The following ST7L variants were observed in gnomAD, a reference collection of about 807,000 sequenced individuals.
ST7L encodes the protein suppressor of tumorigenicity 7 protein-like.
ST7L carries 57 observed loss-of-function variants against 72.5 expected under a neutral mutation model. That is an observed-to-expected ratio of 0.79 (90% CI 0.64 to 0.98). The LOEUF is 0.98. Ranked by LOEUF, ST7L falls within the 50% of genes least tolerant of loss-of-function variation. ST7L has a pLI of 0.00. For synonymous variants in ST7L, 221 were observed against 240.9 expected, an observed-to-expected ratio of 0.92 and a Z score of 0.77; for missense variants, 576 against 672.2, an observed-to-expected ratio of 0.86 and a Z score of 1.58.
chr1:112,526,117 A>G lies in ST7L; in HGVS notation c.1630-6T>C, dbSNP rs544303721. ...GGGCACCAGAGTCCCAGCACCTTCA[A>G]AACAGAAATTGATACAAAATGTTCA... On this transcript the variant is annotated splice_region_variant and splice_polypyrimidine_tract_variant and intron_variant, in intron 14 of 14. Coordinates refer to ENST00000358039, the MANE Select transcript of ST7L (RefSeq NM_017744.5). 3.7e-6 allele frequency: 6 copies of G among 1,614,102 alleles called. No homozygotes were observed.
rs772472775 is a variant in ST7L at position 112,582,480 on chromosome 1, G to A, written c.857-8C>T. The A allele has an allele frequency of 1.5e-5, 23 of 1,523,482 alleles. No homozygotes were observed. Among genetic ancestry groups the A allele is most frequent in the Middle Eastern group, 1.7e-4 (1 of 5,780 alleles). 94.4% of individuals were successfully genotyped at this position (1,523,482 alleles called of 1,614,324 possible). The stretch of plus-strand genomic sequence containing the variant: ...GTACATTGGTATCTCTCCCTATTTA[G>A]AAAAACAAAAAAATGATACAACTAT... On this transcript the variant is annotated splice_region_variant and splice_polypyrimidine_tract_variant and intron_variant, in intron 7 of 14. Coordinates refer to ENST00000358039, the MANE Select transcript of ST7L (RefSeq NM_017744.5).
chr1:112,578,309 G>A lies in ST7L; in HGVS notation c.1142+36C>T, dbSNP rs184382025. The A allele has an allele frequency of 2.6e-6, 4 of 1,568,594 alleles. No individual in the cohort carries two copies. The East Asian group carries it at 9.0e-5, about 35-fold the overall frequency. On this transcript the variant is annotated intron_variant, in intron 10 of 14. Coordinates refer to ENST00000358039, the MANE Select transcript of ST7L (RefSeq NM_017744.5). ...GACAAGCATAATACTGAGTTTAGCAGTCTTTCCAAATCATTGTAGTTTTTA... is the reference window on the plus strand; with the variant it reads ...GACAAGCATAATACTGAGTTTAGCAATCTTTCCAAATCATTGTAGTTTTTA...
chr1:112,577,537 A>AAC (rs1187260193), intron 10 of ST7L, among the ~76,000 whole-genome samples: 2 of 150,392 alleles, frequency 1.3e-5, no homozygotes, highest in African/African-American at 4.9e-5. Context: ...TCTCAAAAAA[A>AAC]AAAAAAAAAA....
At chr1:112,571,515 C>T (rs1398672424) in intron 11 of ST7L, among the ~76,000 whole-genome samples, 2 of 152,136 alleles carry the variant, frequency 1.3e-5, no homozygotes, top group Non-Finnish European at 2.9e-5. Context: ...CAACCTCCAC[C>T]TCCCAGGTTC....
chr1:112,580,860 G>A (rs371364513), intron 9 of ST7L, among the ~76,000 whole-genome samples: 206 of 152,310 alleles, frequency 1.4e-3, no homozygotes, highest in African/African-American at 4.7e-3. Context: ...CCTGGGAAGC[G>A]GAGCTTGCAG....
chr1:112,573,305 G>GC (rs1169808881), intron 11 of ST7L, among the ~76,000 whole-genome samples: 7 of 131,774 alleles, frequency 5.3e-5, no homozygotes, highest in African/African-American at 1.1e-4. Context: ...CCGAGATCGC[G>GC]CCATTGCACT....
At chr1:112,570,508 C>T (rs1438997963) in intron 11 of ST7L, among the ~76,000 whole-genome samples, 1 of 146,838 alleles carries the variant, frequency 6.8e-6, no homozygotes, top group East Asian at 2.1e-4. Flanking sequence ...AAGATGCATA[C>T]AACCATTTGT....
chr1:112,617,407 T>G (rs2101094575), intron 1 of ST7L: 1 of 152,930 alleles, frequency 6.5e-6, no homozygotes, highest in African/African-American at 2.4e-5. Context: ...GTACTGTGGG[T>G]TTTAGAAAGA....
intron 9 of ST7L, among the ~76,000 whole-genome samples, chr1:112,579,277 A>T (rs1299340439): frequency 6.6e-6 from 1 of 151,272 alleles, no homozygotes; most frequent in Admixed American, 6.6e-5. Context: ...CCAGCTACTC[A>T]GGAGGCTGAG....
At position 112,526,122 on chromosome 1, in the gene ST7L, G is replaced by C. The variant is rs1386837299; in HGVS notation, c.1630-11C>G. 4 of 1,613,932 alleles carry C rather than the reference G, an allele frequency of 2.5e-6. No homozygotes were observed. The African/African-American group carries it at 5.3e-5, about 22-fold the overall frequency. On this transcript the variant is annotated splice_polypyrimidine_tract_variant and intron_variant, in intron 14 of 14. Transcript: ENST00000358039. ...CCAGAGTCCCAGCACCTTCAAAACAGAAATTGATACAAAATGTTCAAGCCC... is the reference window on the plus strand; with the variant it reads ...CCAGAGTCCCAGCACCTTCAAAACACAAATTGATACAAAATGTTCAAGCCC...
At chr1:112,611,688 C>A (rs961446717) in intron 2 of ST7L, among the ~76,000 whole-genome samples, 11 of 152,040 alleles carry the variant, frequency 7.2e-5, no homozygotes, top group Admixed American at 2.0e-4. Flanking sequence ...GTCTGTAATT[C>A]CAGCACTTTG....
intron 3 of ST7L, 63 bp from the exon 4 acceptor site, chr1:112,600,911 T>G (rs756843106): frequency 8.2e-5 from 118 of 1,433,880 alleles, no homozygotes; most frequent in Non-Finnish European, 8.2e-5. Flanking sequence ...TTAACCAATA[T>G]CTATTGTCTA....
At chr1:112,598,481 G>A (rs1406700290) in intron 4 of ST7L, among the ~76,000 whole-genome samples, 1 of 151,400 alleles carries the variant, frequency 6.6e-6, no homozygotes, top group Non-Finnish European at 1.5e-5. Flanking sequence ...CAGGTGCAGT[G>A]GCTTGCACCC....
intron 5 of ST7L, among the ~76,000 whole-genome samples, chr1:112,592,525 A>G (rs1440883066): frequency 6.6e-6 from 1 of 152,240 alleles, no homozygotes; most frequent in African/African-American, 2.4e-5. Context: ...GAACTTGACA[A>G]ACTGATGAAA....
chr1:112,518,694 C>A (rs921262548), downstream of ST7L, among the ~76,000 whole-genome samples: 6 of 152,112 alleles, frequency 3.9e-5, no homozygotes, highest in African/African-American at 1.2e-4. Flanking sequence ...AGGGAAGGAA[C>A]TTTGGAGTTA....
chr1:112,562,444 C>T (rs1468096378), intron 11 of ST7L, among the ~76,000 whole-genome samples: 2 of 151,750 alleles, frequency 1.3e-5, no homozygotes, highest in African/African-American at 2.4e-5. Context: ...AACATACAAA[C>T]AGACCAATTA....
intron 11 of ST7L, among the ~76,000 whole-genome samples, chr1:112,576,760 A>C (rs1312027130): frequency 1.3e-5 from 2 of 152,270 alleles, no homozygotes; most frequent in African/African-American, 2.4e-5. Flanking sequence ...AGTTCAAATT[A>C]TATTTTGATA....
In ST7L at chr1:112,525,112, G is replaced by A. The variant is rs1274416880; in HGVS notation, c.*901C>T. 1 of 152,250 alleles carries A rather than the reference G, an allele frequency of 6.6e-6. No individual in the cohort carries two copies. The highest frequency in any genetic ancestry group is 1.5e-5 in the Non-Finnish European group (1 of 68,092). 9.4% of individuals were successfully genotyped at this position (152,250 alleles called of 1,614,324 possible). A position where few individuals can be genotyped will look rare whatever the true frequency, so the allele number is the denominator to read the frequency against. On this transcript the variant is annotated 3_prime_UTR_variant, in exon 15 of 15. Coordinates refer to ENST00000358039, the MANE Select transcript of ST7L (RefSeq NM_017744.5). ...AAGGCTGGTTCATGCCAGAGATAGT[G>A]AGATGTGCACCCTATGTGCTGAGAA...
intron 11 of ST7L, among the ~76,000 whole-genome samples, chr1:112,561,099 C>T (rs1660050099): frequency 6.6e-6 from 1 of 151,342 alleles, no homozygotes; most frequent in African/African-American, 2.4e-5. Flanking sequence ...AAACCAAATA[C>T]AAAAACTCTG....
Sources: allele counts gnomAD v4.1 joint callset (sites outside exome capture counted in the v4.1 genomes callset), GRCh38; gene constraint gnomAD v4.1.1; transcripts MANE v1.5; gene names NCBI Gene and HGNC (gene_info 2026-07-23, HGNC 2026-07-21).